Variants in MICU1 observed in about 807,000 individuals in gnomAD.
MICU1 encodes the protein mitochondrial calcium uptake 1.
Under a neutral mutation model 56.8 loss-of-function variants are expected in MICU1, and 45 were observed. That is an observed-to-expected ratio of 0.79 (90% confidence interval 0.62 to 1.02). The LOEUF (loss-of-function observed/expected upper bound fraction) is 1.02. MICU1 is among the 50% of genes least tolerant of loss of function. The probability of loss-of-function intolerance (pLI) is 0.00; values close to 1 mark genes in which losing one functional copy is unlikely to be tolerated. For missense variants in MICU1, 504 were observed against 587.1 expected (o/e 0.86, Z 1.46); for synonymous variants, 186 against 195.1 (o/e 0.95, Z 0.39).
At chr10:72,403,748 T>A (rs1454241854) in intron 10 of MICU1, among the ~76,000 whole-genome samples, 1 of 151,448 alleles carries the variant, frequency 6.6e-6, no homozygotes, top group Non-Finnish European at 1.5e-5. Flanking sequence ...CTCTGCCTCC[T>A]GGGTTCACGC....
At chr10:72,515,346 C>T (rs770221523) in intron 5 of MICU1, among the ~76,000 whole-genome samples, 4 of 152,104 alleles carry the variant, frequency 2.6e-5, no homozygotes, top group East Asian at 1.9e-4. Flanking sequence ...GGTTTAATGG[C>T]GGGATGTGGT....
At chr10:72,620,271 G>A (rs1842073338) in intron 1 of MICU1, among the ~76,000 whole-genome samples, 2 of 152,024 alleles carry the variant, frequency 1.3e-5, no homozygotes, top group African/African-American at 2.4e-5. Context: ...TGCAACCTCC[G>A]CCTCCCGGGT....
chr10:72,411,639 T>C (rs1564852298), intron 9 of MICU1, among the ~76,000 whole-genome samples: 2 of 152,132 alleles, frequency 1.3e-5, no homozygotes, highest in Non-Finnish European at 1.5e-5. Context: ...TAAAATCCTG[T>C]AGGAGTTAGA....
chr10:72,599,902 A>C (rs998978445), intron 1 of MICU1, among the ~76,000 whole-genome samples: 1 of 152,230 alleles, frequency 6.6e-6, no homozygotes. Flanking sequence ...GAAAGATAAA[A>C]GTTTTTGACT....
At chr10:72,480,368 T>C (rs1329467290) in intron 6 of MICU1, among the ~76,000 whole-genome samples, 1 of 152,246 alleles carries the variant, frequency 6.6e-6, no homozygotes, top group East Asian at 1.9e-4. Flanking sequence ...TTAAGGGGTC[T>C]CAGCTTATGC....
intron 5 of MICU1, among the ~76,000 whole-genome samples, chr10:72,516,766 A>T (rs966300040): frequency 1.3e-5 from 2 of 152,000 alleles, no homozygotes; most frequent in African/African-American, 4.8e-5. Flanking sequence ...GTTATTTCTG[A>T]GGTCTCTGTT....
chr10:72,624,826 A>C (rs1842190864), intron 1 of MICU1, among the ~76,000 whole-genome samples: 1 of 152,220 alleles, frequency 6.6e-6, no homozygotes, highest in Non-Finnish European at 1.5e-5. Context: ...GCTGGAGGCA[A>C]AAGCCACCTT....
rs866097339 is a variant in MICU1 at position 72,622,040 on chromosome 10, G to A, written c.-2+3970C>T. Among the ~76,000 whole-genome samples the A allele has an allele frequency of 3.3e-5, 5 of 151,836 alleles. No individual in the cohort carries two copies. The East Asian group carries it at 5.8e-4, about 18-fold the overall frequency. ...GCCATTCTCCTGCCTCAGCCTCCCC[G>A]GAGTAGCTGGGACTACAGGCGCCTG... On this transcript the variant is annotated intron_variant, in intron 1 of 11. Transcript: ENST00000361114.
At chr10:72,437,139 GC>G (rs1427782722) in intron 8 of MICU1, among the ~76,000 whole-genome samples, 2 of 152,144 alleles carry the variant, frequency 1.3e-5, no homozygotes, top group East Asian at 3.8e-4. Context: ...GTTAAGGGCA[GC>G]CAGAGAGAAA....
chr10:72,479,749 C>A (rs1173191581), intron 6 of MICU1, among the ~76,000 whole-genome samples: 1 of 152,096 alleles, frequency 6.6e-6, no homozygotes, highest in African/African-American at 2.4e-5. Flanking sequence ...TGGTCTTAAA[C>A]CTCCTGGCCT....
intron 5 of MICU1, among the ~76,000 whole-genome samples, chr10:72,511,832 A>AGC (rs1867460308): frequency 1.3e-5 from 2 of 152,074 alleles, no homozygotes; most frequent in Non-Finnish European, 2.9e-5. Flanking sequence ...GCAGCAGCAG[A>AGC]AAAGTCTGCC....
intron 3 of MICU1, chr10:72,562,564 T>C (rs1214664428): frequency 5.6e-6 from 1 of 178,986 alleles, no homozygotes; most frequent in Non-Finnish European, 1.2e-5. Flanking sequence ...TACAACCCGA[T>C]ATCAGAAATA....
chr10:72,372,366 T>C (rs553492124), intron 11 of MICU1, among the ~76,000 whole-genome samples: 1 of 152,206 alleles, frequency 6.6e-6, no homozygotes, highest in Non-Finnish European at 1.5e-5. Context: ...GTGTGGTGGC[T>C]CACGCCTATA....
chr10:72,481,192 C>A (rs1239317548), intron 6 of MICU1, among the ~76,000 whole-genome samples: 1 of 152,138 alleles, frequency 6.6e-6, no homozygotes, highest in Non-Finnish European at 1.5e-5. Context: ...ATGGGACAAA[C>A]AAGCCAAAAA....
chr10:72,601,802 CTTTTTTTTT>C (rs199587505), intron 1 of MICU1, among the ~76,000 whole-genome samples: 1 of 143,460 alleles, frequency 7.0e-6, no homozygotes, highest in African/African-American at 2.5e-5. Flanking sequence ...TTTTCTTTTT[CTTTTTTTTT>C]TTTTTTGAGG....
intron 6 of MICU1, among the ~76,000 whole-genome samples, chr10:72,496,715 C>T (rs181632426): frequency 2.6e-5 from 4 of 151,858 alleles, no homozygotes; most frequent in East Asian, 3.9e-4. Context: ...GGATTACAGG[C>T]GTGAGCCACC....
At chr10:72,545,024 C>T (rs1360032834) in intron 4 of MICU1, among the ~76,000 whole-genome samples, 3 of 152,116 alleles carry the variant, frequency 2.0e-5, no homozygotes, top group Admixed American at 2.0e-4. Flanking sequence ...AAAAATACAA[C>T]AAAATAAAGT....
At chr10:72,372,739 G>A (rs1453878698) in intron 11 of MICU1, among the ~76,000 whole-genome samples, 1 of 151,954 alleles carries the variant, frequency 6.6e-6, no homozygotes, top group Non-Finnish European at 1.5e-5. Context: ...CTACTCGGGA[G>A]GCTGAGGCAG....
At chr10:72,598,909 T>C (rs1841450355) in intron 1 of MICU1, among the ~76,000 whole-genome samples, 1 of 152,156 alleles carries the variant, frequency 6.6e-6, no homozygotes, top group Admixed American at 6.6e-5. Context: ...TTTTTTCCCA[T>C]TCATATCTTA....
Sources: gnomAD v4.1 joint callset for allele counts (sites outside exome capture counted in the v4.1 genomes callset) on GRCh38, gnomAD v4.1.1 for gene constraint, MANE v1.5 for transcripts, NCBI Gene and HGNC (gene_info 2026-07-23, HGNC 2026-07-21) for gene names.